The following AATF variants were observed in gnomAD, a reference collection of about 807,000 sequenced individuals.
The protein encoded by AATF is apoptosis antagonizing transcription factor.
Under a neutral mutation model 63.7 loss-of-function variants are expected in AATF, and 48 were observed. That is an observed-to-expected ratio of 0.75 (90% CI 0.60 to 0.96). The LOEUF (loss-of-function observed/expected upper bound fraction) is 0.96, where lower values mean the gene tolerates loss of function less well. Ranked by LOEUF, AATF falls within the 40% of genes least tolerant of loss-of-function variation. The pLI is 0.00. For synonymous variants in AATF, 258 were observed against 247.7 expected (o/e 1.04, Z -0.39); for missense variants, 639 against 685.7 (o/e 0.93, Z 0.76).
intron 4 of AATF, among the ~76,000 whole-genome samples, chr17:36,954,565 A>T (rs2070884328): frequency 6.6e-6 from 1 of 152,182 alleles, no homozygotes; most frequent in African/African-American, 2.4e-5. Flanking sequence ...TCTTTCTTTG[A>T]GTGACATAGA....
At chr17:36,987,452 C>A (rs754869711) in intron 5 of AATF, among the ~76,000 whole-genome samples, 1 of 152,022 alleles carries the variant, frequency 6.6e-6, no homozygotes, top group Admixed American at 6.6e-5. Context: ...ATTATTTTTT[C>A]CCCCTGAAAT....
At chr17:36,980,867 T>C (rs2071117720) in intron 4 of AATF, among the ~76,000 whole-genome samples, 1 of 152,128 alleles carries the variant, frequency 6.6e-6, no homozygotes, top group South Asian at 2.1e-4. Flanking sequence ...TGTCCATGTA[T>C]TGGGCCACTG....
intron 10 of AATF, among the ~76,000 whole-genome samples, chr17:37,029,157 T>C (rs1476206259): frequency 1.3e-5 from 2 of 152,034 alleles, no homozygotes; most frequent in Non-Finnish European, 2.9e-5. Flanking sequence ...CTCCTAGGCT[T>C]AAGCAATCCT....
At chr17:37,002,903 GTTTTTTTT>G (rs35926577) in intron 8 of AATF, among the ~76,000 whole-genome samples, 1 of 99,196 alleles carries the variant, frequency 1.0e-5, no homozygotes, top group African/African-American at 3.9e-5. Context: ...TCCTGTTGCT[GTTTTTTTT>G]TTTTTTTTTT....
intron 4 of AATF, among the ~76,000 whole-genome samples, chr17:36,969,406 C>G (rs1178180515): frequency 6.6e-6 from 1 of 152,166 alleles, no homozygotes; most frequent in Non-Finnish European, 1.5e-5. Context: ...CTCTTTAGCT[C>G]TCTTCAAGGA....
chr17:37,019,453 C>T (rs1408047981), intron 9 of AATF, among the ~76,000 whole-genome samples: 7 of 152,174 alleles, frequency 4.6e-5, no homozygotes, highest in African/African-American at 7.2e-5. Flanking sequence ...TGCTCTCAGT[C>T]GAATCTGCTT....
intron 4 of AATF, among the ~76,000 whole-genome samples, chr17:36,977,688 C>T (rs965336490): frequency 2.6e-5 from 4 of 151,896 alleles, no homozygotes; most frequent in Admixed American, 6.6e-5. Context: ...TGAAAGTATC[C>T]GCACTCTCCC....
At chr17:37,026,133 C>T (rs1426037580) in intron 10 of AATF, among the ~76,000 whole-genome samples, 4 of 152,192 alleles carry the variant, frequency 2.6e-5, no homozygotes, top group Admixed American at 2.0e-4. Context: ...CATTGTGAGA[C>T]ACTCTACCAA....
intron 8 of AATF, among the ~76,000 whole-genome samples, chr17:37,001,455 GAA>G (rs200318079): frequency 1.1e-4 from 8 of 72,926 alleles, no homozygotes; most frequent in African/African-American, 2.6e-4. Context: ...AAGGAAGGAA[GAA>G]AAAAAAAAAA....
intron 10 of AATF, among the ~76,000 whole-genome samples, chr17:37,027,234 T>C (rs1045788770): frequency 6.6e-6 from 1 of 152,224 alleles, no homozygotes; most frequent in Non-Finnish European, 1.5e-5. Flanking sequence ...AGTTATGATT[T>C]AATCAGAAAT....
In AATF at chr17:36,953,249, A is replaced by G. The variant is rs752710778; in HGVS notation, c.647A>G (p.Lys216Arg). The G allele has an allele frequency of 3.8e-5, 61 of 1,614,048 alleles. No individual in the cohort carries two copies. Among genetic ancestry groups the G allele is most frequent in the African/African-American group, 5.3e-5 (4 of 74,930 alleles). The change falls in exon 3 of 12, where the codon AAA becomes AGA. Residue 216 changes from lysine (K) to arginine (R), a missense_variant. Transcript: ENST00000619387. ...GTGGTGATGACCTTCTCTAGTGTCA[A>G]AGTTTCTGAGGAAGTGGAGAAAGGA... ...DGVVMTFSSV[K>R]VSEEVEKGRA...
chr17:36,983,813 CCTT>C (rs772548536), intron 4 of AATF, among the ~76,000 whole-genome samples: 74 of 152,240 alleles, frequency 4.9e-4, no homozygotes, highest in Non-Finnish European at 4.7e-4. Flanking sequence ...TAATCAAAGA[CCTT>C]ATTTTAAACA....
intron 8 of AATF, among the ~76,000 whole-genome samples, chr17:36,995,674 C>A (rs184970874): frequency 9.9e-5 from 15 of 151,792 alleles, no homozygotes; most frequent in African/African-American, 3.6e-4. Flanking sequence ...CTCAAGCAAT[C>A]CTCCCACCTC....
intron 11 of AATF, among the ~76,000 whole-genome samples, chr17:37,047,235 T>G (rs1028364061): frequency 6.6e-6 from 1 of 152,336 alleles, no homozygotes; most frequent in African/African-American, 2.4e-5. Flanking sequence ...GGAATATTAA[T>G]GCGTGGAAGG....
chr17:36,993,901 A>C (rs561816821), intron 8 of AATF, among the ~76,000 whole-genome samples: 40 of 152,172 alleles, frequency 2.6e-4, no homozygotes, highest in Non-Finnish European at 3.4e-4. Flanking sequence ...CCCCCTCTAC[A>C]CACACATACT....
rs559822941 is a variant in AATF, at chr17:36,953,951, T to C, written c.832+44T>C. On this transcript the variant is annotated intron_variant, in intron 4 of 11. Transcript: ENST00000619387. ...TGTTGGAATACTTAGAACCACTTTG[T>C]CAAATGAAGACAGCTTTGATTGAAG... The C allele has an allele frequency of 2.6e-4, 411 of 1,592,822 alleles. 8 individuals carry two copies. The South Asian group carries it at 4.5e-3, about 17-fold the overall frequency.
chr17:37,031,414 A>G, intron 10 of AATF, 200 bp from the exon 11 acceptor site: 3 of 597,950 alleles, frequency 5.0e-6, no homozygotes, highest in South Asian at 4.0e-5. Flanking sequence ...TCCTGGAACC[A>G]TTCCTCCACA....
chr17:37,014,177 G>A (rs1405436269), intron 8 of AATF, among the ~76,000 whole-genome samples: 1 of 151,906 alleles, frequency 6.6e-6, no homozygotes, highest in Non-Finnish European at 1.5e-5. Flanking sequence ...ATTATACTTG[G>A]TTAATAATTT....
At chr17:37,037,511 A>T (rs1261609311) in intron 11 of AATF, among the ~76,000 whole-genome samples, 1 of 152,152 alleles carries the variant, frequency 6.6e-6, no homozygotes, top group Non-Finnish European at 1.5e-5. Context: ...AAGTTATTCT[A>T]AGCTCATCAA....
Sources: gnomAD v4.1 joint callset for allele counts (sites outside exome capture counted in the v4.1 genomes callset) on GRCh38, gnomAD v4.1.1 for gene constraint, MANE v1.5 for transcripts, NCBI Gene and HGNC (gene_info 2026-07-23, HGNC 2026-07-21) for gene names.